The following ODAD4 variants were observed in gnomAD, a reference collection of about 807,000 sequenced individuals.
ODAD4 encodes the protein outer dynein arm-docking complex subunit 4.
In ODAD4, 49 loss-of-function variants were observed where a neutral mutation model predicts 51.8. The observed-to-expected ratio is 0.95, with a 90% CI of 0.75 to 1.20. The LOEUF (loss-of-function observed/expected upper bound fraction) is 1.20. ODAD4 is among the 50% of genes most tolerant of loss of function. The probability of loss-of-function intolerance (pLI) is 0.00; values close to 1 mark genes in which losing one functional copy is unlikely to be tolerated. For synonymous variants in ODAD4, 235 were observed against 221.3 expected, an observed-to-expected ratio of 1.06 and a Z score of -0.55; for missense variants, 590 against 586.5, an observed-to-expected ratio of 1.01 and a Z score of -0.06.
chr17:41,942,192 T>C (rs1468202703), intron 7 of ODAD4, among the ~76,000 whole-genome samples: 3 of 152,122 alleles, frequency 2.0e-5, no homozygotes, highest in Non-Finnish European at 2.9e-5. Context: ...CACCTCAGCC[T>C]CCCAAAGTGC....
chr17:41,952,875 A>G (rs918802835), intron 9 of ODAD4, among the ~76,000 whole-genome samples: 1 of 151,524 alleles, frequency 6.6e-6, no homozygotes, highest in Non-Finnish European at 1.5e-5. Context: ...AGTTGCTGGG[A>G]CCACAGGTGC....
intron 5 of ODAD4, 162 bp downstream of exon 5, chr17:41,937,089 G>A (rs577223662): frequency 5.1e-5 from 43 of 841,354 alleles, no homozygotes; most frequent in South Asian, 1.2e-4. Flanking sequence ...AAACTGAGGC[G>A]CAGACCAACA....
chr17:41,948,918 G>A (rs1054824888), intron 8 of ODAD4, among the ~76,000 whole-genome samples: 4 of 152,106 alleles, frequency 2.6e-5, no homozygotes, highest in Non-Finnish European at 4.4e-5. Flanking sequence ...CTAGAGACAT[G>A]AGCCACCACG....
At chr17:41,936,626 C>G in intron 4 of ODAD4, 92 bp downstream of exon 4, 2 of 1,508,494 alleles carry the variant, frequency 1.3e-6, no homozygotes, top group South Asian at 2.3e-5. Context: ...GCAACCTGAC[C>G]AGGCATACTC....
At position 41,955,531 on chromosome 17, in the gene ODAD4, A is replaced by G. The variant is rs1231712711; in HGVS notation, c.1443+214A>G. On this transcript the variant is annotated intron_variant, in intron 10 of 11. Coordinates refer to ENST00000377540, the MANE Select transcript of ODAD4 (RefSeq NM_031421.5). ...CAAGCTCCGCTTCCGGGTTCACACCATTCTCCTGCCTCAGCCTCCCAAGTA... is the reference window on the plus strand; with the variant it reads ...CAAGCTCCGCTTCCGGGTTCACACCGTTCTCCTGCCTCAGCCTCCCAAGTA... 3.9e-5 allele frequency among the ~76,000 whole-genome samples: 6 copies of G among 152,148 alleles called. No individual in the cohort carries two copies. The East Asian group carries it at 1.2e-3, about 29-fold the overall frequency.
At chr17:41,931,909 TTTGTTGTTG>T (rs56275098) in intron 1 of ODAD4, among the ~76,000 whole-genome samples, 25 of 149,240 alleles carry the variant, frequency 1.7e-4, no homozygotes, top group Admixed American at 1.3e-3. Flanking sequence ...GGTGATGGTT[TTTGTTGTTG>T]TTGTTGTTGT....
intron 1 of ODAD4, among the ~76,000 whole-genome samples, chr17:41,934,873 T>C (rs1322713383): frequency 6.6e-6 from 1 of 152,196 alleles, no homozygotes; most frequent in Non-Finnish European, 1.5e-5. Flanking sequence ...TTCTATTGCC[T>C]GAGGGGACTG....
intron 7 of ODAD4, among the ~76,000 whole-genome samples, chr17:41,942,303 G>C (rs1241559160): frequency 2.0e-5 from 3 of 152,162 alleles, no homozygotes; most frequent in Non-Finnish European, 4.4e-5. Context: ...TGAGTCCCAT[G>C]TGCTCCAGGA....
chr17:41,951,155 G>A (rs1449458758), intron 9 of ODAD4, among the ~76,000 whole-genome samples: 3 of 151,424 alleles, frequency 2.0e-5, no homozygotes, highest in Non-Finnish European at 2.9e-5. Flanking sequence ...CACAATCTTG[G>A]CTCACTGCAA....
chr17:41,942,888 G>T (rs1381661130), intron 7 of ODAD4, among the ~76,000 whole-genome samples: 3 of 152,002 alleles, frequency 2.0e-5, no homozygotes, highest in African/African-American at 7.3e-5. Flanking sequence ...TTAGCAACAG[G>T]GTATTGCTCT....
chr17:41,965,759 C>T lies in ODAD4; in HGVS notation c.*276C>T. ...AAAGGGTTTCAGGAGGGTGAAGATACGGGCGCTACAGGGAACAAGAAGTCA... is the reference window on the plus strand; with the variant it reads ...AAAGGGTTTCAGGAGGGTGAAGATATGGGCGCTACAGGGAACAAGAAGTCA... On this transcript the variant is annotated 3_prime_UTR_variant, in exon 12 of 12. Coordinates refer to ENST00000377540, the MANE Select transcript of ODAD4 (RefSeq NM_031421.5). The T allele has an allele frequency of 2.8e-6, 1 of 363,390 alleles. No individual in the cohort carries two copies. 22.5% of individuals were successfully genotyped at this position (363,390 alleles called of 1,614,324 possible).
chr17:41,941,993 T>G (rs2050513681), intron 7 of ODAD4, among the ~76,000 whole-genome samples: 1 of 152,206 alleles, frequency 6.6e-6, no homozygotes, highest in Non-Finnish European at 1.5e-5. Flanking sequence ...CAGGCTGGAG[T>G]GCAATGGAGT....
chr17:41,959,422 T>C (rs1194125929), intron 10 of ODAD4, among the ~76,000 whole-genome samples: 3 of 152,102 alleles, frequency 2.0e-5, no homozygotes, highest in African/African-American at 7.2e-5. Context: ...AGAAGCCAGA[T>C]TGCATAACTT....
Position 41,939,213 on chromosome 17 carries a change from G to A in ODAD4, c.1058+41G>A, listed in dbSNP as rs782108238. ...GAGGCCACTGGCGTGAGCCTACGGA[G>A]AAGGACACCTGGGGCTATCTGAGGC... is the stretch of plus-strand genomic sequence containing the variant. On this transcript the variant is annotated intron_variant, in intron 7 of 11. Transcript: ENST00000377540. 27 of 1,570,516 alleles carry A rather than the reference G, an allele frequency of 1.7e-5. No homozygotes were observed. The Admixed American group carries it at 2.4e-4, about 14-fold the overall frequency.
At position 41,935,735 on chromosome 17, in the gene ODAD4, A is replaced by G. The variant is rs2050417031; in HGVS notation, c.383A>G (p.Asn128Ser). 1 of 1,613,996 alleles carries G rather than the reference A, an allele frequency of 6.2e-7. No homozygotes were observed. Among genetic ancestry groups the G allele is most frequent in the Non-Finnish European group, 8.5e-7 (1 of 1,179,872 alleles). Residue 128 changes from asparagine (N) to serine (S), a missense_variant, in exon 3 of 12, where the codon AAC becomes AGC. Transcript: ENST00000377540. Reference protein sequence around the residue: ...VGIQKAQEAINNSVGSPSSIK... With the variant: ...VGIQKAQEAISNSVGSPSSIK... ...ATTCAGAAAGCCCAGGAAGCCATCA[A>G]CAACTCAGTGGGAAGTGAGTGACCA...
At chr17:41,941,502 G>A (rs1555638682) in intron 7 of ODAD4, among the ~76,000 whole-genome samples, 2 of 152,130 alleles carry the variant, frequency 1.3e-5, no homozygotes, top group South Asian at 2.1e-4. Flanking sequence ...GGTGGCTCAC[G>A]CCTGTAATCC....
intron 9 of ODAD4, among the ~76,000 whole-genome samples, chr17:41,951,558 T>G (rs782272101): frequency 6.6e-6 from 1 of 150,892 alleles, no homozygotes; most frequent in Non-Finnish European, 1.5e-5. Context: ...TCCTGTCACA[T>G]TGAGATAACT....
At chr17:41,932,855 G>C (rs2050369802) in intron 1 of ODAD4, among the ~76,000 whole-genome samples, 2 of 150,808 alleles carry the variant, frequency 1.3e-5, no homozygotes, top group Admixed American at 1.3e-4. Context: ...ATGAGATACA[G>C]TGCCCTAAAA....
chr17:41,939,521 G>A (rs2144499714), intron 7 of ODAD4, among the ~76,000 whole-genome samples: 1 of 152,310 alleles, frequency 6.6e-6, no homozygotes, highest in Middle Eastern at 3.4e-3. Flanking sequence ...CCAGACACAA[G>A]GGCCATTTCC....
Sources: gnomAD v4.1 joint callset for allele counts (sites outside exome capture counted in the v4.1 genomes callset) on GRCh38, gnomAD v4.1.1 for gene constraint, MANE v1.5 for transcripts, NCBI Gene and HGNC (gene_info 2026-07-23, HGNC 2026-07-21) for gene names.